The following PLEKHG5 variants were observed in gnomAD, a reference collection of about 807,000 sequenced individuals.
PLEKHG5 encodes pleckstrin homology and RhoGEF domain containing G5.
PLEKHG5 carries 52 observed loss-of-function variants against 103.8 expected under a neutral mutation model. That is an observed-to-expected ratio of 0.50 (90% CI 0.40 to 0.63). PLEKHG5 has a LOEUF of 0.63. Among genes scored for constraint, PLEKHG5 ranks in the 30% least tolerant of loss-of-function variants. The pLI is 0.00. For synonymous variants in PLEKHG5, 592 were observed against 575.5 expected, an observed-to-expected ratio of 1.03 and a Z score of -0.41; for missense variants, 1,205 against 1,347.6, an observed-to-expected ratio of 0.89 and a Z score of 1.66.
upstream of PLEKHG5, chr1:6,497,005 G>A: frequency 6.5e-7 from 1 of 1,527,082 alleles, no homozygotes; most frequent in Non-Finnish European, 8.7e-7. This position sits in a 1 kb window ranked among gnomAD's most constrained non-coding sequence, Gnocchi z 6.1. Context: ...CGAAGGTCTG[G>A]GGCGACCCCC....
At chr1:6,510,692 G>A (rs1317684584) in intron 1 of PLEKHG5, among the ~76,000 whole-genome samples, 1 of 152,362 alleles carries the variant, frequency 6.6e-6, no homozygotes, top group Admixed American at 6.5e-5. Context: ...CAGGTGGGGC[G>A]GAGGCCAACC....
chr1:6,500,857 T>C (rs377108092), upstream of PLEKHG5, among the ~76,000 whole-genome samples: 235 of 152,210 alleles, frequency 1.5e-3, 1 homozygote, highest in African/African-American at 4.9e-3. Context: ...CCAGGGCCCT[T>C]GGCCAGGCAG....
At chr1:6,504,081 G>T (rs6663548) in intron 1 of PLEKHG5, among the ~76,000 whole-genome samples, 30,097 of 152,230 alleles carry the variant, frequency 0.2, 3,599 homozygotes, top group African/African-American at 0.34. Flanking sequence ...GCTGGCTTGG[G>T]GCTGGGTGGC....
chr1:6,471,159 CG>C, intron 12 of PLEKHG5, 59 bp from the exon 13 acceptor site: 1 of 1,375,112 alleles, frequency 7.3e-7, no homozygotes, highest in Non-Finnish European at 1.0e-6. Flanking sequence ...CGGGCCGGCC[CG>C]CGCCAGGCGC....
At chr1:6,493,474 G>T (rs1185577600), upstream of PLEKHG5, among the ~76,000 whole-genome samples, 1 of 152,184 alleles carries the variant, frequency 6.6e-6, no homozygotes, top group Non-Finnish European at 1.5e-5. Flanking sequence ...TGACGATCAT[G>T]CTGTGTGATG....
At chr1:6,472,652 G>C in intron 9 of PLEKHG5, 30 bp from the exon 10 acceptor site, 1 of 1,524,636 alleles carries the variant, frequency 6.6e-7, no homozygotes, top group Non-Finnish European at 9.1e-7. Flanking sequence ...GGTCATTCAC[G>C]AGGCCTGGAG....
At chr1:6,475,663 G>A (rs368480120) in intron 3 of PLEKHG5, 141 bp from the exon 4 acceptor site, 23 of 792,730 alleles carry the variant, frequency 2.9e-5, no homozygotes, top group African/African-American at 1.4e-4. Context: ...GGCCAGGCCC[G>A]CATAGGGCTG....
intron 1 of PLEKHG5, among the ~76,000 whole-genome samples, chr1:6,502,800 G>GAGCC (rs1191869249): frequency 6.6e-6 from 1 of 152,238 alleles, no homozygotes; most frequent in African/African-American, 2.4e-5. Context: ...ACAGAGGACA[G>GAGCC]AGCCCACACA....
upstream of PLEKHG5, among the ~76,000 whole-genome samples, chr1:6,494,755 T>C (rs879141659): frequency 1.3e-5 from 2 of 152,224 alleles, no homozygotes; most frequent in Admixed American, 1.3e-4. Context: ...TGGCTCTCTA[T>C]GCCTCTGATA....
Position 6,487,887 on chromosome 1 carries a change from T to C in PLEKHG5, c.-88+3750A>G, listed in dbSNP as rs529310911. On this transcript the variant is annotated intron_variant, in intron 1 of 20. Transcript: ENST00000377728. The surrounding 1 kb of genome is among the most constrained non-coding windows in gnomAD (Gnocchi z 4.1). ...CAGTCCTGGTGCACAGTAGGTGCGCTTGGTGGGGATGAGATCAGTGAACAG... is the reference window on the plus strand; with the variant it reads ...CAGTCCTGGTGCACAGTAGGTGCGCCTGGTGGGGATGAGATCAGTGAACAG... Among the ~76,000 whole-genome samples, 136 of 152,358 alleles carry C rather than the reference T, an allele frequency of 8.9e-4. No individual in the cohort carries two copies. The highest frequency in any genetic ancestry group is 3.1e-3 in the African/African-American group (129 of 41,584).
At chr1:6,495,816 CG>C (rs1557765387), upstream of PLEKHG5, among the ~76,000 whole-genome samples, 1 of 152,228 alleles carries the variant, frequency 6.6e-6, no homozygotes, top group African/African-American at 2.4e-5. Flanking sequence ...ATCTGGAAAA[CG>C]GGGTGACGAT....
Position 6,490,165 on chromosome 1 carries a change from C to T in PLEKHG5, c.-88+1472G>A, listed in dbSNP as rs1645121420. ...CCGGGCCCCTCCAGGATCCCCCTGCCCCGCCAATACCCCCCATACCGGGGC... is the reference window on the plus strand; with the variant it reads ...CCGGGCCCCTCCAGGATCCCCCTGCTCCGCCAATACCCCCCATACCGGGGC... On this transcript the variant is annotated intron_variant, in intron 1 of 20. Transcript: ENST00000377728. The surrounding 1 kb of genome is among the most constrained non-coding windows in gnomAD (Gnocchi z 8.0). Among the ~76,000 whole-genome samples, 1 of 152,196 alleles carries T rather than the reference C, an allele frequency of 6.6e-6. No individual in the cohort carries two copies.
In PLEKHG5 at chr1:6,487,654, C is replaced by T. The variant is rs1645066566; in HGVS notation, c.-88+3983G>A. Among the ~76,000 whole-genome samples the T allele has an allele frequency of 6.6e-6, 1 of 152,294 alleles. No individual in the cohort carries two copies. The highest frequency in any genetic ancestry group is 2.1e-4 in the South Asian group (1 of 4,818). On this transcript the variant is annotated intron_variant, in intron 1 of 20. Coordinates refer to ENST00000377728, the MANE Select transcript of PLEKHG5 (RefSeq NM_020631.6). This position sits in a 1 kb window ranked among gnomAD's most constrained non-coding sequence, Gnocchi z 4.1. The stretch of plus-strand genomic sequence containing the variant: ...CCCAACTTAAATGTTACCTCTAAGA[C>T]GTCCTTTTCCCTCATCTTAAAATAA...
intron 2 of PLEKHG5, 45 bp downstream of exon 2, chr1:6,477,483 AC>A: frequency 6.2e-7 from 1 of 1,600,768 alleles, no homozygotes; most frequent in Non-Finnish European, 8.5e-7. Context: ...TGAAACACTG[AC>A]ACAGGAGCTC....
intron 1 of PLEKHG5, among the ~76,000 whole-genome samples, chr1:6,509,109 C>T (rs1638406012): frequency 6.6e-6 from 1 of 152,254 alleles, no homozygotes; most frequent in Non-Finnish European, 1.5e-5. Context: ...GACTCAGTCC[C>T]CTGGAAGCCT....
intron 4 of PLEKHG5, 48 bp downstream of exon 4, chr1:6,475,414 C>T (rs774561570): frequency 1.1e-5 from 17 of 1,535,796 alleles, no homozygotes; most frequent in African/African-American, 8.2e-5. Context: ...CGGGGAAGGG[C>T]GCAGGCTGTA....
At chr1:6,473,976 T>TGCCCCCC in intron 7 of PLEKHG5, 37 bp downstream of exon 7, 6 of 1,265,550 alleles carry the variant, frequency 4.7e-6, no homozygotes, top group Non-Finnish European at 5.6e-6. Flanking sequence ...CTGGGCCCCT[T>TGCCCCCC]CCCACCCCCT....
intron 12 of PLEKHG5, 124 bp downstream of exon 12, chr1:6,471,364 G>T: frequency 8.7e-7 from 1 of 1,154,174 alleles, no homozygotes; most frequent in Non-Finnish European, 1.2e-6. Flanking sequence ...GCCACAAGGG[G>T]TCAAGTGCGG....
rs1010583 is a variant in PLEKHG5 at position 6,519,400 on chromosome 1, C to T, written c.-165+45G>A. 7.5e-3 allele frequency: 11,062 copies of T among 1,468,514 alleles called. 149 individuals carry two copies. Among genetic ancestry groups the T allele is most frequent in the African/African-American group, 0.055 (3,998 of 72,232 alleles). 91.0% of individuals were successfully genotyped at this position (1,468,514 alleles called of 1,614,324 possible). A position where few individuals can be genotyped will look rare whatever the true frequency, so the allele number is the denominator to read the frequency against. The stretch of plus-strand genomic sequence containing the variant: ...CAAAGCCCCTCCTTTCACTCTGTGT[C>T]CTCAAACCTCCTTTCTAGACAAAAG... On this transcript the variant is annotated intron_variant, in intron 1 of 21. Transcript: ENST00000377740.
Sources: allele counts gnomAD v4.1 joint callset (sites outside exome capture counted in the v4.1 genomes callset), GRCh38; gene constraint gnomAD v4.1.1; non-coding constraint Gnocchi (gnomAD v3.1); transcripts MANE v1.5; gene names NCBI Gene and HGNC (gene_info 2026-07-23, HGNC 2026-07-21).